The following EGFR variants were observed in gnomAD, a reference collection of about 807,000 sequenced individuals.
EGFR encodes epidermal growth factor receptor, also known as avian erythroblastic leukemia viral (v-erb-b) oncogene homolog.
A neutral mutation model predicts 143.0 loss-of-function variants in EGFR; 58 were observed. The observed-to-expected ratio is 0.41, with a 90% CI of 0.33 to 0.50. The LOEUF (loss-of-function observed/expected upper bound fraction) is 0.50. EGFR is among the 20% of genes least tolerant of loss of function. The pLI, the probability that EGFR is intolerant of heterozygous loss-of-function variation, is 0.39. For synonymous variants in EGFR, 613 were observed against 594.4 expected (o/e 1.03, Z -0.45); for missense variants, 1,307 against 1,579.0 (o/e 0.83, Z 2.92).
intron 4 of EGFR, among the ~76,000 whole-genome samples, chr7:55,150,871 C>T (rs1026094085): frequency 3.2e-4 from 49 of 152,188 alleles, no homozygotes; most frequent in African/African-American, 9.9e-4. Context: ...AATCCCAGAA[C>T]GGCTGACACA....
intron 20 of EGFR, among the ~76,000 whole-genome samples, chr7:55,189,925 G>A (rs112806228): frequency 0.045 from 6,922 of 152,198 alleles, 522 homozygotes; most frequent in African/African-American, 0.16. Flanking sequence ...TTTCGAATGG[G>A]CAGGAGTTCA....
At chr7:55,148,268 C>T (rs962398810) in intron 4 of EGFR, among the ~76,000 whole-genome samples, 1 of 152,030 alleles carries the variant, frequency 6.6e-6, no homozygotes, top group Non-Finnish European at 1.5e-5. Context: ...AAACTGTGCA[C>T]ATTTTATTTT....
rs935037467 is a variant in EGFR, at chr7:55,173,875, G to A, written c.2062-46G>A. On this transcript the variant is annotated intron_variant, in intron 17 of 27. Coordinates refer to ENST00000275493, the MANE Select transcript of EGFR (RefSeq NM_005228.5). ...ATGTCTGGCACTGCTTTCCAGCATG[G>A]TGAGGGCTGAGGTGACCCTTGTCTC... 1.9e-6 allele frequency: 3 copies of A among 1,614,094 alleles called. No individual in the cohort carries two copies. The Admixed American group carries it at 5.0e-5, about 27-fold the overall frequency.
intron 1 of EGFR, among the ~76,000 whole-genome samples, chr7:55,102,424 ACT>A (rs1791885491): frequency 6.6e-6 from 1 of 152,172 alleles, no homozygotes. Context: ...ACTATGTCTA[ACT>A]CAACTCTGCT....
At chr7:55,152,700 C>T (rs1562762765) in intron 6 of EGFR, 36 bp downstream of exon 6, 5 of 1,585,814 alleles carry the variant, frequency 3.2e-6, no homozygotes, top group Non-Finnish European at 4.3e-6. Context: ...CTGGAGCAGG[C>T]TGGGGCTGCA....
At chr7:55,163,184 A>G in intron 13 of EGFR, among the ~76,000 whole-genome samples, 1 of 152,258 alleles carries the variant, frequency 6.6e-6, no homozygotes, top group East Asian at 1.9e-4. Context: ...CTTACTGACA[A>G]ACAGCCGTAC....
At chr7:55,173,874 G>C (rs753056419) in intron 17 of EGFR, 47 bp from the exon 18 acceptor site, 1 of 1,614,050 alleles carries the variant, frequency 6.2e-7, no homozygotes, top group Non-Finnish European at 8.5e-7. Context: ...TTTCCAGCAT[G>C]GTGAGGGCTG....
intron 1 of EGFR, among the ~76,000 whole-genome samples, chr7:55,056,849 C>A (rs1788854514): frequency 1.3e-5 from 2 of 152,188 alleles, no homozygotes; most frequent in African/African-American, 2.4e-5. Flanking sequence ...GAACAGTGTC[C>A]TAAATTCAGG....
chr7:55,134,082 CG>C (rs1794001092), intron 1 of EGFR, among the ~76,000 whole-genome samples: 1 of 152,206 alleles, frequency 6.6e-6, no homozygotes, highest in Non-Finnish European at 1.5e-5. Flanking sequence ...GATTTTGAAT[CG>C]AAGCCAGCAT....
intron 20 of EGFR, among the ~76,000 whole-genome samples, chr7:55,184,722 C>T (rs899568984): frequency 6.6e-6 from 1 of 152,158 alleles, no homozygotes; most frequent in African/African-American, 2.4e-5. Flanking sequence ...GCAGTTAACG[C>T]TTTGTCTCTG....
At chr7:55,146,856 G>A in intron 4 of EGFR, 116 bp downstream of exon 4, 1 of 1,422,298 alleles carries the variant, frequency 7.0e-7, no homozygotes, top group Admixed American at 1.9e-5. Flanking sequence ...GAAACAAAAA[G>A]TAGTAAGCAA....
At chr7:55,130,033 T>A (rs116742385) in intron 1 of EGFR, among the ~76,000 whole-genome samples, 1 of 152,088 alleles carries the variant, frequency 6.6e-6, no homozygotes, top group African/African-American at 2.4e-5. Context: ...CCCAGCAGAG[T>A]TGAATAATTG....
intron 18 of EGFR, 38 bp from the exon 19 acceptor site, chr7:55,174,683 CA>C: frequency 6.5e-6 from 10 of 1,537,568 alleles, no homozygotes; most frequent in Non-Finnish European, 9.0e-6. Flanking sequence ...CACCATCTCA[CA>C]ATTGCCAGTT....
intron 1 of EGFR, among the ~76,000 whole-genome samples, chr7:55,125,382 A>G (rs1793463049): frequency 6.6e-6 from 1 of 151,546 alleles, no homozygotes; most frequent in African/African-American, 2.4e-5. Flanking sequence ...GAAAGTTACA[A>G]GCTATTATGG....
intron 20 of EGFR, among the ~76,000 whole-genome samples, chr7:55,190,391 AT>A (rs1787338071): frequency 6.6e-6 from 1 of 152,162 alleles, no homozygotes; most frequent in South Asian, 2.1e-4. Flanking sequence ...CCAAAGACTA[AT>A]TCTGCATAGC....
chr7:55,099,543 G>A (rs1285066339), intron 1 of EGFR, among the ~76,000 whole-genome samples: 1 of 152,166 alleles, frequency 6.6e-6, no homozygotes, highest in African/African-American at 2.4e-5. Context: ...GAGCTGGTTG[G>A]AAAAGAGTAT....
intron 1 of EGFR, among the ~76,000 whole-genome samples, chr7:55,025,990 T>C (rs1786862607): frequency 6.6e-6 from 1 of 152,198 alleles, no homozygotes; most frequent in African/African-American, 2.4e-5. Context: ...GAGATGATTT[T>C]TTTTCTTTTT....
At chr7:55,178,704 T>C (rs1786715052) in intron 19 of EGFR, among the ~76,000 whole-genome samples, 1 of 152,248 alleles carries the variant, frequency 6.6e-6, no homozygotes. Context: ...TTTCAATATC[T>C]ACTGAGTCCA....
At chr7:55,031,464 T>C (rs1787241606) in intron 1 of EGFR, among the ~76,000 whole-genome samples, 1 of 152,196 alleles carries the variant, frequency 6.6e-6, no homozygotes, top group Admixed American at 6.5e-5. Context: ...CACTTCACTT[T>C]CCACCTTTAG....
Sources: gnomAD v4.1 joint callset for allele counts (sites outside exome capture counted in the v4.1 genomes callset) on GRCh38, gnomAD v4.1.1 for gene constraint, MANE v1.5 for transcripts, NCBI Gene and HGNC (gene_info 2026-07-23, HGNC 2026-07-21) for gene names.